The following NOL4 variants were observed in gnomAD, a reference collection of about 807,000 sequenced individuals.
NOL4 encodes the protein cancer/testis antigen 125.
In NOL4, 17 loss-of-function variants were observed where a neutral mutation model predicts 75.9. The ratio of observed to expected loss-of-function variants is 0.22; its 90% CI spans 0.15 to 0.34. NOL4 has a LOEUF of 0.34. NOL4 is among the 10% of genes least tolerant of loss of function. NOL4 has a pLI of 1.00. For missense variants in NOL4, 614 were observed against 793.5 expected (o/e 0.77, Z 2.72); for synonymous variants, 292 against 289.9 (o/e 1.01, Z -0.07).
At chr18:34,191,215 A>G (rs1303042763) in intron 1 of NOL4, among the ~76,000 whole-genome samples, 1 of 152,136 alleles carries the variant, frequency 6.6e-6, no homozygotes, top group Non-Finnish European at 1.5e-5. Context: ...TAATTTTAGA[A>G]TATATTATCG....
In NOL4 at chr18:34,025,825, A is replaced by G. The variant is rs1600297529; in HGVS notation, c.773-6224T>C. Among the ~76,000 whole-genome samples the G allele has an allele frequency of 2.0e-5, 3 of 152,258 alleles. No homozygotes were observed. In the South Asian group the frequency reaches 6.2e-4, roughly 32 times the overall value. ...GAGAGAGAAACCCTGTGATCATACT[A>G]GACCTGTTAAGTACCCATGTTTTTA... On this transcript the variant is annotated intron_variant, in intron 5 of 10. Coordinates refer to ENST00000261592, the MANE Select transcript of NOL4 (RefSeq NM_003787.5).
chr18:33,931,814 C>A (rs149849917), intron 9 of NOL4, among the ~76,000 whole-genome samples: 1 of 151,906 alleles, frequency 6.6e-6, no homozygotes, highest in Non-Finnish European at 1.5e-5. Flanking sequence ...TTTTCTGAGC[C>A]TAAAACATAA....
chr18:34,147,894 C>T (rs1439288691), intron 1 of NOL4, among the ~76,000 whole-genome samples: 1 of 152,048 alleles, frequency 6.6e-6, no homozygotes, highest in Non-Finnish European at 1.5e-5. Context: ...AATTTCAGAA[C>T]TTGTTATTGG....
chr18:33,875,653 G>A (rs1158645917), intron 10 of NOL4, among the ~76,000 whole-genome samples: 1 of 151,946 alleles, frequency 6.6e-6, no homozygotes, highest in African/African-American at 2.4e-5. Context: ...GCCTCCAATT[G>A]CTTTGATTTA....
intron 2 of NOL4, among the ~76,000 whole-genome samples, chr18:34,112,458 T>G (rs544034413): frequency 1.3e-5 from 2 of 152,132 alleles, no homozygotes; most frequent in East Asian, 3.9e-4. Context: ...AATATTTAAT[T>G]TTATATGTGT....
chr18:33,922,317 G>T (rs538740217), intron 9 of NOL4, among the ~76,000 whole-genome samples: 11 of 152,268 alleles, frequency 7.2e-5, no homozygotes, highest in Non-Finnish European at 8.8e-5. Context: ...TCCTTCAGTT[G>T]CTTTCAGCCA....
intron 10 of NOL4, among the ~76,000 whole-genome samples, chr18:33,868,878 A>G (rs1447872187): frequency 6.6e-6 from 1 of 152,096 alleles, no homozygotes; most frequent in African/African-American, 2.4e-5. Flanking sequence ...TAAGGATACT[A>G]TAATATGTTA....
chr18:34,095,244 AATGTGT>A (rs1441553414), intron 4 of NOL4, among the ~76,000 whole-genome samples: 3 of 87,932 alleles, frequency 3.4e-5, no homozygotes, highest in Non-Finnish European at 4.9e-5. Flanking sequence ...TCTAAATTCT[AATGTGT>A]ATGTGTGTGT....
At chr18:33,931,560 G>A (rs2067692708) in intron 9 of NOL4, among the ~76,000 whole-genome samples, 1 of 151,978 alleles carries the variant, frequency 6.6e-6, no homozygotes, top group East Asian at 1.9e-4. Flanking sequence ...GCAAGATCCT[G>A]TCTCTAAATT....
chr18:34,004,062 CCTTAT>C (rs1309024891), intron 6 of NOL4, among the ~76,000 whole-genome samples: 2 of 152,024 alleles, frequency 1.3e-5, no homozygotes, highest in Non-Finnish European at 2.9e-5. Context: ...CTCTACAATC[CCTTAT>C]CTTAACTCAG....
chr18:34,187,417 G>T (rs1214423726), intron 1 of NOL4, among the ~76,000 whole-genome samples: 3 of 117,760 alleles, frequency 2.5e-5, no homozygotes, highest in African/African-American at 1.1e-4. Flanking sequence ...TTGTTCTGTC[G>T]CCCAGGCTGG....
intron 10 of NOL4, among the ~76,000 whole-genome samples, chr18:33,882,688 C>A (rs2064368693): frequency 6.6e-6 from 1 of 151,504 alleles, no homozygotes; most frequent in Middle Eastern, 3.2e-3. Flanking sequence ...CCATTTGACC[C>A]AGCAATCCCA....
intron 6 of NOL4, among the ~76,000 whole-genome samples, chr18:34,002,401 T>C (rs942914409): frequency 6.6e-6 from 1 of 152,078 alleles, no homozygotes; most frequent in African/African-American, 2.4e-5. Context: ...TTCTTTCTTG[T>C]CTAGCTCCTA....
intron 5 of NOL4, among the ~76,000 whole-genome samples, chr18:34,079,355 G>T (rs1378107025): frequency 6.6e-6 from 1 of 151,898 alleles, no homozygotes; most frequent in Non-Finnish European, 1.5e-5. Flanking sequence ...TGAATCTCCA[G>T]TTAAGGAGAT....
chr18:34,145,107 G>A (rs1422294655), intron 1 of NOL4, among the ~76,000 whole-genome samples: 2 of 152,032 alleles, frequency 1.3e-5, no homozygotes, highest in Non-Finnish European at 2.9e-5. Context: ...ATACTAGTCA[G>A]ATTGAAACAG....
chr18:34,039,329 A>G (rs529374851), intron 5 of NOL4, among the ~76,000 whole-genome samples: 2 of 152,056 alleles, frequency 1.3e-5, no homozygotes, highest in African/African-American at 4.8e-5. Flanking sequence ...ACTTTTGCTC[A>G]TAGGTCTGGG....
chr18:33,911,230 CT>C (rs1407997938), intron 9 of NOL4, among the ~76,000 whole-genome samples: 1 of 127,454 alleles, frequency 7.8e-6, no homozygotes, highest in East Asian at 2.5e-4. Context: ...ATGGTCTTTT[CT>C]TTTGCATTTA....
intron 2 of NOL4, among the ~76,000 whole-genome samples, chr18:34,110,483 ATCTAT>A (rs1249921715): frequency 2.6e-5 from 4 of 152,198 alleles, no homozygotes; most frequent in African/African-American, 9.6e-5. Context: ...AAAATTCAAC[ATCTAT>A]TCATGATTAA....
intron 1 of NOL4, chr18:34,221,741 C>T (rs962392476): frequency 3.1e-6 from 1 of 318,178 alleles, no homozygotes; most frequent in African/African-American, 2.1e-5. Context: ...TCTCAGGAAA[C>T]CATAAACTGA....
Sources: gnomAD v4.1 joint callset for allele counts (sites outside exome capture counted in the v4.1 genomes callset) on GRCh38, gnomAD v4.1.1 for gene constraint, MANE v1.5 for transcripts, NCBI Gene and HGNC (gene_info 2026-07-23, HGNC 2026-07-21) for gene names.